The following RIMS1 variants were observed in gnomAD, a reference collection of about 807,000 sequenced individuals.
RIMS1 encodes regulating synaptic membrane exocytosis 1, also known as regulating synaptic membrane exocytosis protein 1.
Under a neutral mutation model 214.1 loss-of-function variants are expected in RIMS1, and 83 were observed. The observed-to-expected ratio is 0.39, with a 90% CI of 0.32 to 0.47. RIMS1 has a LOEUF of 0.47. Ranked by LOEUF, RIMS1 falls within the 20% of genes least tolerant of loss-of-function variation. The pLI, the probability that RIMS1 is intolerant of heterozygous loss-of-function variation, is 0.99. For synonymous variants in RIMS1, 793 were observed against 786.8 expected (o/e 1.01, Z -0.13); for missense variants, 2,050 against 2,161.8 (o/e 0.95, Z 1.03).
intron 2 of RIMS1, among the ~76,000 whole-genome samples, chr6:72,079,694 GATAACATAGTGAGACCCTGT>G (rs1317447399): frequency 2.6e-5 from 4 of 152,006 alleles, no homozygotes; most frequent in Non-Finnish European, 5.9e-5. Context: ...GACCAGCCTG[GATAACATAGTGAGACCCTGT>G]ATCTACAAAA....
chr6:71,951,907 T>G (rs1789700283), intron 1 of RIMS1, among the ~76,000 whole-genome samples: 1 of 152,100 alleles, frequency 6.6e-6, no homozygotes, highest in African/African-American at 2.4e-5. Flanking sequence ...TTGCCTTTCT[T>G]TATAAGATAA....
intron 1 of RIMS1, among the ~76,000 whole-genome samples, chr6:71,938,689 G>A (rs528481851): frequency 1.3e-5 from 2 of 152,140 alleles, no homozygotes; most frequent in African/African-American, 4.8e-5. Flanking sequence ...CCCACCCCCT[G>A]AAACATTCCT....
intron 1 of RIMS1, among the ~76,000 whole-genome samples, chr6:71,947,121 A>G (rs1309753145): frequency 6.6e-6 from 1 of 152,044 alleles, no homozygotes; most frequent in South Asian, 2.1e-4. Flanking sequence ...TGGCTAATAT[A>G]AAAAAGATGA....
chr6:72,230,835 T>G (rs2061705293), intron 6 of RIMS1, among the ~76,000 whole-genome samples: 1 of 151,572 alleles, frequency 6.6e-6, no homozygotes, highest in South Asian at 2.1e-4. Flanking sequence ...ATGCTCAAAA[T>G]TATAACACTT....
At chr6:72,048,369 T>C (rs1823655882) in intron 2 of RIMS1, among the ~76,000 whole-genome samples, 1 of 152,172 alleles carries the variant, frequency 6.6e-6, no homozygotes, top group African/African-American at 2.4e-5. Context: ...GCCTGTGTCC[T>C]TTTTGGCTAA....
intron 4 of RIMS1, among the ~76,000 whole-genome samples, chr6:72,133,092 G>C (rs909918384): frequency 6.6e-6 from 1 of 152,032 alleles, no homozygotes; most frequent in African/African-American, 2.4e-5. Flanking sequence ...AAACAGACAG[G>C]CAACAGGAAA....
chr6:72,208,153 G>A (rs2053243030), intron 6 of RIMS1, among the ~76,000 whole-genome samples: 1 of 152,144 alleles, frequency 6.6e-6, no homozygotes, highest in Non-Finnish European at 1.5e-5. Flanking sequence ...ACTTGACACA[G>A]CTTAGGTAAA....
At position 71,946,044 on chromosome 6, in the gene RIMS1, A is replaced by G. The variant is rs140321822; in HGVS notation, c.165-22939A>G. ...AAAGCAAAATCCAAAAGAGAAATCAAGAAAATAATCCGATCTACACTTGCT... is the reference window on the plus strand; with the variant it reads ...AAAGCAAAATCCAAAAGAGAAATCAGGAAAATAATCCGATCTACACTTGCT... On this transcript the variant is annotated intron_variant, in intron 1 of 33. Transcript: ENST00000521978. Among the ~76,000 whole-genome samples, 201 of 134,654 alleles carry G rather than the reference A, an allele frequency of 1.5e-3. 1 individual carries two copies. Among genetic ancestry groups the G allele is most frequent in the African/African-American group, 5.5e-3 (197 of 35,842 alleles). The allele number at this position is 134,654 out of a possible 152,430, so 88.3% of individuals were successfully genotyped here.
intron 16 of RIMS1, among the ~76,000 whole-genome samples, chr6:72,253,783 T>A (rs971441625): frequency 5.9e-5 from 9 of 152,178 alleles, no homozygotes; most frequent in African/African-American, 2.2e-4. Flanking sequence ...CATACAACTA[T>A]TAAAACTGGG....
chr6:72,136,330 T>C (rs992889333), intron 4 of RIMS1, among the ~76,000 whole-genome samples: 1 of 151,974 alleles, frequency 6.6e-6, no homozygotes, highest in African/African-American at 2.4e-5. Flanking sequence ...GCATGATTGT[T>C]GAAAAAATAC....
intron 2 of RIMS1, among the ~76,000 whole-genome samples, chr6:71,992,448 T>TTCTTTCTC (rs1554175760): frequency 1.4e-5 from 2 of 138,998 alleles, no homozygotes; most frequent in South Asian, 2.3e-4. Context: ...CTTTCTTTCT[T>TTCTTTCTC]TCTCTTTCTC....
At chr6:72,278,146 G>T (rs1563451696) in intron 23 of RIMS1, among the ~76,000 whole-genome samples, 30 of 143,634 alleles carry the variant, frequency 2.1e-4, no homozygotes, top group Middle Eastern at 3.5e-3. Flanking sequence ...ATTGAGAATG[G>T]TTTTTAATCT....
At chr6:71,986,189 TG>T (rs374965137) in intron 2 of RIMS1, among the ~76,000 whole-genome samples, 1,767 of 93,318 alleles carry the variant, frequency 0.019, 29 homozygotes, top group African/African-American at 0.061. Flanking sequence ...CTTTGGGTTT[TG>T]TTTTTTTTTT....
chr6:72,189,267 G>A (rs1194205574), intron 6 of RIMS1, among the ~76,000 whole-genome samples: 2 of 152,168 alleles, frequency 1.3e-5, no homozygotes, highest in Non-Finnish European at 2.9e-5. Flanking sequence ...TGTTGTCATT[G>A]CGACTTCAAA....
chr6:71,979,448 G>GA (rs1367881248), intron 2 of RIMS1, among the ~76,000 whole-genome samples: 1 of 151,976 alleles, frequency 6.6e-6, no homozygotes, highest in Non-Finnish European at 1.5e-5. Flanking sequence ...GAAAATCCGT[G>GA]AAATTTTAGT....
rs569177724 is a variant in RIMS1, at chr6:72,109,787, C to T, written c.471+9801C>T. On this transcript the variant is annotated intron_variant, in intron 4 of 33. Transcript: ENST00000521978. ...ATGAAGTCCTTGCCCATGCCTGTGT[C>T]CTGAATGGTAATGCCTAGGTTTTCT... 7.9e-5 allele frequency among the ~76,000 whole-genome samples: 12 copies of T among 152,180 alleles called. No homozygotes were observed. The South Asian group carries it at 2.5e-3, about 32-fold the overall frequency.
intron 2 of RIMS1, among the ~76,000 whole-genome samples, chr6:72,007,442 T>G (rs1808224918): frequency 6.6e-6 from 1 of 152,136 alleles, no homozygotes; most frequent in Admixed American, 6.5e-5. Flanking sequence ...GGAATGCAGC[T>G]CCTCACCAAC....
At chr6:72,112,731 C>G (rs1030087429) in intron 4 of RIMS1, among the ~76,000 whole-genome samples, 1 of 152,148 alleles carries the variant, frequency 6.6e-6, no homozygotes, top group Non-Finnish European at 1.5e-5. Flanking sequence ...GTAGCCACAG[C>G]CCAACCATAG....
chr6:72,103,155 A>T (rs2033996142), intron 4 of RIMS1, among the ~76,000 whole-genome samples: 1 of 152,102 alleles, frequency 6.6e-6, no homozygotes, highest in Non-Finnish European at 1.5e-5. Context: ...TCATTTGGCA[A>T]TTTGGCTGAT....
Sources: gnomAD v4.1 joint callset for allele counts (sites outside exome capture counted in the v4.1 genomes callset) on GRCh38, gnomAD v4.1.1 for gene constraint, MANE v1.5 for transcripts, NCBI Gene and HGNC (gene_info 2026-07-23, HGNC 2026-07-21) for gene names.